The following WDR64 variants were observed in gnomAD, a reference collection of about 807,000 sequenced individuals.
WDR64 encodes WD repeat domain 64.
Under a neutral mutation model 139.3 loss-of-function variants are expected in WDR64, and 112 were observed. The observed-to-expected ratio is 0.80, with a 90% confidence interval of 0.69 to 0.94. WDR64 has a LOEUF of 0.94. WDR64 is among the 40% of genes least tolerant of loss of function. The pLI is 0.00. For synonymous variants in WDR64, 444 were observed against 437.7 expected (o/e 1.01, Z -0.18); for missense variants, 1,206 against 1,293.1 (o/e 0.93, Z 1.03).
intron 14 of WDR64, among the ~76,000 whole-genome samples, chr1:241,756,433 G>A (rs1670194897): frequency 6.6e-6 from 1 of 152,166 alleles, no homozygotes; most frequent in Non-Finnish European, 1.5e-5. Flanking sequence ...CTTTGCTGAA[G>A]TTGCTTAAGG....
In WDR64 at chr1:241,772,924, C is replaced by A; in HGVS notation, c.2423C>A (p.Thr808Asn). Reference protein sequence around the residue: ...AHEDGHLRLWTLEGRLLKDML... With the variant: ...AHEDGHLRLWNLEGRLLKDML... Reference sequence around the variant, plus strand: ...GAGGATGGACACCTCCGCTTGTGGACTCTGGAGGTAATGGAACCCAGCAAG... The same window carrying A: ...GAGGATGGACACCTCCGCTTGTGGAATCTGGAGGTAATGGAACCCAGCAAG... The change falls in exon 20 of 28, where the codon ACT (threonine) becomes AAT (asparagine). Residue 808 changes from threonine to asparagine, a missense_variant. Transcript: ENST00000437684. 4.5e-6 allele frequency: 7 copies of A among 1,549,934 alleles called. No homozygotes were observed. The highest frequency in any genetic ancestry group is 6.1e-6 in the Non-Finnish European group (7 of 1,146,054).
At chr1:241,725,196 G>A (rs771963382) in intron 10 of WDR64, among the ~76,000 whole-genome samples, 30 of 152,074 alleles carry the variant, frequency 2.0e-4, no homozygotes, top group Admixed American at 6.5e-5. Context: ...AAATAAAACT[G>A]GCAAAAACTT....
intron 9 of WDR64, among the ~76,000 whole-genome samples, chr1:241,717,281 A>C (rs1324059166): frequency 6.6e-6 from 1 of 152,146 alleles, no homozygotes; most frequent in Admixed American, 6.5e-5. Context: ...ATAATCATGA[A>C]ATTTTAGAGC....
chr1:241,663,559 C>T (rs1031415968), intron 2 of WDR64, among the ~76,000 whole-genome samples: 7 of 152,170 alleles, frequency 4.6e-5, no homozygotes, highest in African/African-American at 7.2e-5. Context: ...TTCTGGGGTT[C>T]GAAGAATCTA....
chr1:241,733,088 A>T (rs1326662613), intron 10 of WDR64, among the ~76,000 whole-genome samples: 2 of 152,136 alleles, frequency 1.3e-5, no homozygotes, highest in Non-Finnish European at 2.9e-5. Context: ...TCAATTACAA[A>T]TTACCCTCAA....
intron 14 of WDR64, among the ~76,000 whole-genome samples, chr1:241,753,356 T>C (rs12080779): frequency 6.6e-6 from 1 of 152,118 alleles, no homozygotes; most frequent in African/African-American, 2.4e-5. Flanking sequence ...TATTCTCATA[T>C]AACAATTCAA....
chr1:241,754,732 CCT>C (rs777765753), intron 14 of WDR64, among the ~76,000 whole-genome samples: 5 of 152,080 alleles, frequency 3.3e-5, no homozygotes, highest in Admixed American at 6.5e-5. Flanking sequence ...CCCCCCACCC[CCT>C]GACAGGCCCC....
intron 11 of WDR64, among the ~76,000 whole-genome samples, chr1:241,739,646 AT>A (rs1669458666): frequency 6.6e-6 from 1 of 152,206 alleles, no homozygotes; most frequent in African/African-American, 2.4e-5. Flanking sequence ...TTTCCATCCC[AT>A]TTATCATCAT....
chr1:241,755,331 CT>C (rs1670146175), intron 14 of WDR64, among the ~76,000 whole-genome samples: 1 of 152,172 alleles, frequency 6.6e-6, no homozygotes, highest in Non-Finnish European at 1.5e-5. Context: ...TGATGATGAG[CT>C]TTTTTTCATG....
intron 21 of WDR64, 62 bp from the exon 22 acceptor site, chr1:241,779,942 A>G: frequency 7.9e-7 from 1 of 1,271,962 alleles, no homozygotes; most frequent in Non-Finnish European, 1.1e-6. Flanking sequence ...TAACTTTTGG[A>G]TAGTATTGAT....
Position 241,757,376 on chromosome 1 carries a change from A to T in WDR64, c.1864A>T (p.Met622Leu). ...QDGKHAVHLR[M>L]STRDRNMAIP... is the part of the protein sequence containing the mutation. ...TGGGAAACATGCTGTGCATCTGAGA[A>T]TGTCTACTAGAGACAGGAACATGGC... Residue 622 changes from methionine (M) to leucine (L), a missense_variant, in exon 15 of 28, where the codon ATG (methionine) becomes TTG (leucine). Physicochemically the swap from Met to Leu is conservative, Grantham distance 15. Coordinates refer to ENST00000437684, the MANE Select transcript of WDR64 (RefSeq NM_001367482.1). 2 of 1,614,038 alleles carry T rather than the reference A, an allele frequency of 1.2e-6. No homozygotes were observed. Among genetic ancestry groups the T allele is most frequent in the South Asian group, 2.2e-5 (2 of 91,060 alleles).
At chr1:241,797,336 A>C (rs898767953) in intron 27 of WDR64, among the ~76,000 whole-genome samples, 2 of 152,120 alleles carry the variant, frequency 1.3e-5, no homozygotes, top group Non-Finnish European at 2.9e-5. Context: ...TCACTATATA[A>C]CCTATCACTC....
At chr1:241,746,774 T>TTG (rs1357393725) in intron 13 of WDR64, among the ~76,000 whole-genome samples, 3 of 151,792 alleles carry the variant, frequency 2.0e-5, no homozygotes, top group African/African-American at 4.8e-5. Context: ...TTTTTTTTTT[T>TTG]TGTGATGGAG....
chr1:241,749,839 T>G, intron 14 of WDR64, 117 bp downstream of exon 14: 1 of 1,196,528 alleles, frequency 8.4e-7, no homozygotes, highest in Non-Finnish European at 1.2e-6. Context: ...AAGATGGTAT[T>G]TATCCTCAGC....
intron 6 of WDR64, among the ~76,000 whole-genome samples, chr1:241,681,641 T>C (rs1461950567): frequency 1.3e-5 from 2 of 152,188 alleles, no homozygotes; most frequent in Non-Finnish European, 2.9e-5. Context: ...AGATATCCAG[T>C]AGTGGGAATG....
chr1:241,702,783 T>C (rs1378563205), intron 8 of WDR64, among the ~76,000 whole-genome samples: 1 of 152,226 alleles, frequency 6.6e-6, no homozygotes, highest in East Asian at 1.9e-4. Flanking sequence ...GAAATTTAAA[T>C]TTCACTGGTC....
intron 1 of WDR64, among the ~76,000 whole-genome samples, chr1:241,654,955 C>T (rs1665521237): frequency 6.6e-6 from 1 of 152,084 alleles, no homozygotes; most frequent in Non-Finnish European, 1.5e-5. Context: ...ATGTAAATAT[C>T]CCAAAATCTG....
intron 13 of WDR64, 107 bp downstream of exon 13, chr1:241,744,623 A>G (rs1417908717): frequency 6.9e-7 from 1 of 1,458,700 alleles, no homozygotes; most frequent in African/African-American, 1.4e-5. Flanking sequence ...AGCAGGCTGG[A>G]CTATGTCTGG....
intron 19 of WDR64, 55 bp downstream of exon 19, chr1:241,771,752 G>A (rs1448150872): frequency 5.0e-6 from 6 of 1,205,244 alleles, no homozygotes; most frequent in African/African-American, 1.6e-5. Flanking sequence ...TTGCAAGAGG[G>A]CATTTAGGTG....
Sources: allele counts gnomAD v4.1 joint callset (sites outside exome capture counted in the v4.1 genomes callset), GRCh38; gene constraint gnomAD v4.1.1; transcripts MANE v1.5; gene names NCBI Gene and HGNC (gene_info 2026-07-23, HGNC 2026-07-21).